The following SNTB1 variants were observed in gnomAD, a reference collection of about 807,000 sequenced individuals.
The protein encoded by SNTB1 is syntrophin beta 1, also known as beta-1-syntrophin.
A neutral mutation model predicts 48.9 loss-of-function variants in SNTB1; 36 were observed. That is an observed-to-expected ratio of 0.74 (90% CI 0.56 to 0.97). The LOEUF (loss-of-function observed/expected upper bound fraction) is 0.97, where lower values mean the gene tolerates loss of function less well. Ranked by LOEUF, SNTB1 falls within the 50% of genes least tolerant of loss-of-function variation. The pLI is 0.00. For synonymous variants in SNTB1, 299 were observed against 294.6 expected (o/e 1.01, Z -0.15); for missense variants, 786 against 703.4 (o/e 1.12, Z -1.33).
chr8:120,544,394 CA>C (rs1379677659), intron 5 of SNTB1, among the ~76,000 whole-genome samples: 1 of 152,154 alleles, frequency 6.6e-6, no homozygotes, highest in African/African-American at 2.4e-5. Flanking sequence ...AATACATTAT[CA>C]AGTTAATTGA....
chr8:120,809,699 G>A (rs1450086863), intron 1 of SNTB1, among the ~76,000 whole-genome samples: 1 of 151,340 alleles, frequency 6.6e-6, no homozygotes, highest in Non-Finnish European at 1.5e-5. Flanking sequence ...ACTTGCCCCA[G>A]ATCCCACCTG....
intron 5 of SNTB1, among the ~76,000 whole-genome samples, chr8:120,543,011 G>A (rs1009814276): frequency 1.3e-5 from 2 of 152,074 alleles, no homozygotes; most frequent in African/African-American, 4.8e-5. Context: ...CTCATGGGTG[G>A]TATCCACATG....
At chr8:120,778,237 T>C (rs1819770232) in intron 1 of SNTB1, among the ~76,000 whole-genome samples, 5 of 152,240 alleles carry the variant, frequency 3.3e-5, no homozygotes, top group Admixed American at 3.3e-4. Context: ...TTCCTGAATC[T>C]ATATTTACTC....
At position 120,811,991 on chromosome 8, in the gene SNTB1, C is replaced by G. The variant is rs1820449400; in HGVS notation, c.-148G>C. On this transcript the variant is annotated 5_prime_UTR_variant, in exon 1 of 7. Transcript: ENST00000517992. ...CACGCGGGACTCCGCTCCGGGAGTT[C>G]GCAGACGCACTCGGCGGGAGTTGGC... 1 of 1,268,220 alleles carries G rather than the reference C, an allele frequency of 7.9e-7. No homozygotes were observed. Among genetic ancestry groups the G allele is most frequent in the Admixed American group, 4.3e-5 (1 of 23,342 alleles). The allele number at this position is 1,268,220 out of a possible 1,614,324, so 78.6% of individuals were successfully genotyped here.
intron 3 of SNTB1, among the ~76,000 whole-genome samples, chr8:120,577,563 G>A (rs1031212050): frequency 6.6e-6 from 1 of 152,100 alleles, no homozygotes; most frequent in African/African-American, 2.4e-5. Context: ...TACTTTTCCA[G>A]CTCATTAAAT....
intron 2 of SNTB1, among the ~76,000 whole-genome samples, chr8:120,677,053 G>A: frequency 7.7e-6 from 1 of 130,150 alleles, no homozygotes; most frequent in Non-Finnish European, 1.6e-5. Flanking sequence ...GACAGAGTGA[G>A]ACCCTATCTC....
At chr8:120,791,408 AC>A (rs1017047857) in intron 1 of SNTB1, among the ~76,000 whole-genome samples, 31 of 152,132 alleles carry the variant, frequency 2.0e-4, no homozygotes, top group African/African-American at 7.0e-4. Context: ...TATGACTAAA[AC>A]CCCGAAAGCA....
At chr8:120,803,399 A>G in intron 1 of SNTB1, among the ~76,000 whole-genome samples, 1 of 152,182 alleles carries the variant, frequency 6.6e-6, no homozygotes, top group East Asian at 1.9e-4. Flanking sequence ...GGCAAGCATC[A>G]TTATAGGTCA....
intron 2 of SNTB1, among the ~76,000 whole-genome samples, chr8:120,642,654 TG>T (rs1214398507): frequency 6.6e-6 from 1 of 152,164 alleles, no homozygotes; most frequent in Admixed American, 6.6e-5. Context: ...GACTCATGCC[TG>T]TGATCCCAGC....
intron 3 of SNTB1, among the ~76,000 whole-genome samples, chr8:120,616,616 C>T (rs1443750660): frequency 6.6e-6 from 1 of 151,912 alleles, no homozygotes; most frequent in East Asian, 1.9e-4. Context: ...CATGCCAGGC[C>T]TAGCTTGATT....
At chr8:120,592,415 C>T (rs1299819915) in intron 3 of SNTB1, among the ~76,000 whole-genome samples, 2 of 152,026 alleles carry the variant, frequency 1.3e-5, no homozygotes, top group Non-Finnish European at 2.9e-5. Context: ...TCTCGAACTC[C>T]TGGCCTCCAG....
intron 2 of SNTB1, among the ~76,000 whole-genome samples, chr8:120,683,935 GC>G: frequency 6.6e-6 from 1 of 152,206 alleles, no homozygotes. Context: ...TATATTATTG[GC>G]CACATTTTAT....
chr8:120,752,712 AATG>A lies in SNTB1; in HGVS notation c.571+58558_571+58560del, dbSNP rs1819242168. On this transcript the variant is annotated intron_variant, in intron 1 of 6. Transcript: ENST00000517992. ...TTAATTAGGATATCCTAAGTTAATT[AATG>A]CAGGAACAGAAAACCAAATACCACA... is the stretch of plus-strand genomic sequence containing the variant. 2.7e-5 allele frequency among the ~76,000 whole-genome samples: 4 copies of A among 150,586 alleles called. No homozygotes were observed. The Admixed American group carries it at 2.7e-4, about 10-fold the overall frequency.
intron 1 of SNTB1, among the ~76,000 whole-genome samples, chr8:120,721,400 A>G (rs1451787624): frequency 6.6e-6 from 1 of 152,206 alleles, no homozygotes; most frequent in African/African-American, 2.4e-5. Flanking sequence ...GGCATCTGTT[A>G]AACAATGATG....
chr8:120,775,838 T>C (rs1295713832), intron 1 of SNTB1, among the ~76,000 whole-genome samples: 1 of 152,108 alleles, frequency 6.6e-6, no homozygotes, highest in Non-Finnish European at 1.5e-5. Flanking sequence ...TGTAACAGGG[T>C]AAAGCACAGT....
At chr8:120,788,737 AT>A (rs1819969330) in intron 1 of SNTB1, among the ~76,000 whole-genome samples, 1 of 152,086 alleles carries the variant, frequency 6.6e-6, no homozygotes, top group Admixed American at 6.6e-5. Context: ...TCCAAGATTC[AT>A]AAAGCAGTTA....
At chr8:120,645,677 G>A (rs1352518369) in intron 2 of SNTB1, among the ~76,000 whole-genome samples, 1 of 126,358 alleles carries the variant, frequency 7.9e-6, no homozygotes, top group African/African-American at 3.0e-5. Flanking sequence ...GAACTTTAAA[G>A]TAGTTTTTTC....
intron 2 of SNTB1, among the ~76,000 whole-genome samples, chr8:120,642,199 A>G (rs1817207026): frequency 1.3e-5 from 2 of 152,206 alleles, no homozygotes; most frequent in African/African-American, 4.8e-5. Flanking sequence ...GGGACATGGA[A>G]TGGTGAACTG....
intron 2 of SNTB1, among the ~76,000 whole-genome samples, chr8:120,682,438 C>A (rs1233011261): frequency 6.6e-6 from 1 of 152,180 alleles, no homozygotes; most frequent in Non-Finnish European, 1.5e-5. Context: ...AAAAATAATA[C>A]AACCATTTAG....
Sources: gnomAD v4.1 joint callset for allele counts (sites outside exome capture counted in the v4.1 genomes callset) on GRCh38, gnomAD v4.1.1 for gene constraint, MANE v1.5 for transcripts, NCBI Gene and HGNC (gene_info 2026-07-23, HGNC 2026-07-21) for gene names.